The following BCL2L13 variants were observed in gnomAD, a reference collection of about 807,000 sequenced individuals.
BCL2L13 encodes bcl-2-like protein 13.
In BCL2L13, 13 loss-of-function variants were observed where a neutral mutation model predicts 25.8. The ratio of observed to expected loss-of-function variants is 0.50; its 90% confidence interval spans 0.33 to 0.80. BCL2L13 has a LOEUF of 0.80. BCL2L13 is among the 30% of genes least tolerant of loss of function. The probability of loss-of-function intolerance (pLI) is 0.02; values close to 1 mark genes in which losing one functional copy is unlikely to be tolerated. For missense variants in BCL2L13, 504 were observed against 574.9 expected (o/e 0.88, Z 1.26); for synonymous variants, 244 against 230.3 (o/e 1.06, Z -0.54).
intron 6 of BCL2L13, among the ~76,000 whole-genome samples, chr22:17,712,741 G>A (rs1430866343): frequency 6.6e-6 from 1 of 152,204 alleles, no homozygotes; most frequent in Non-Finnish European, 1.5e-5. Flanking sequence ...GCTTTGGTGA[G>A]TGGGTTCTCC....
intron 2 of BCL2L13, among the ~76,000 whole-genome samples, chr22:17,675,494 CTT>C (rs1335596118): frequency 6.6e-6 from 1 of 152,166 alleles, no homozygotes; most frequent in African/African-American, 2.4e-5. Flanking sequence ...AGAGGGCTAA[CTT>C]TTTTCAGCCT....
chr22:17,697,353 G>A (rs2060295561), intron 5 of BCL2L13, among the ~76,000 whole-genome samples: 1 of 152,142 alleles, frequency 6.6e-6, no homozygotes, highest in Non-Finnish European at 1.5e-5. Context: ...CAGGAGAATT[G>A]CTTAAACCCG....
chr22:17,661,156 G>A (rs931167955), intron 2 of BCL2L13, among the ~76,000 whole-genome samples: 2 of 139,808 alleles, frequency 1.4e-5, no homozygotes, highest in Non-Finnish European at 3.2e-5. Flanking sequence ...GCAGTGGCAC[G>A]TTCTCAGCTC....
chr22:17,670,769 A>G (rs1412400548), intron 2 of BCL2L13, among the ~76,000 whole-genome samples: 1 of 152,116 alleles, frequency 6.6e-6, no homozygotes, highest in Non-Finnish European at 1.5e-5. Flanking sequence ...TAGCTTTTCT[A>G]TCAGGAACAG....
At chr22:17,645,316 G>A (rs967765605) in intron 1 of BCL2L13, among the ~76,000 whole-genome samples, 1 of 145,216 alleles carries the variant, frequency 6.9e-6, no homozygotes, top group Non-Finnish European at 1.5e-5. Flanking sequence ...CTGCTTTCTC[G>A]GTTCAAGCGA....
At chr22:17,694,563 T>C (rs1486226310) in intron 4 of BCL2L13, among the ~76,000 whole-genome samples, 1 of 152,156 alleles carries the variant, frequency 6.6e-6, no homozygotes, top group African/African-American at 2.4e-5. Context: ...CTGTCACCAG[T>C]GCAAATATTT....
chr22:17,661,251 C>G (rs549620915), intron 2 of BCL2L13, among the ~76,000 whole-genome samples: 1 of 145,598 alleles, frequency 6.9e-6, no homozygotes, highest in East Asian at 1.9e-4. Context: ...CGCCACTGCC[C>G]CTGGCTAATT....
At chr22:17,649,084 A>G (rs1193564257) in intron 1 of BCL2L13, among the ~76,000 whole-genome samples, 1 of 151,724 alleles carries the variant, frequency 6.6e-6, no homozygotes, top group African/African-American at 2.4e-5. Context: ...TATGGGCATG[A>G]ACTTGTGCCC....
intron 3 of BCL2L13, among the ~76,000 whole-genome samples, chr22:17,685,413 G>A (rs1349917046): frequency 6.6e-6 from 1 of 150,544 alleles, no homozygotes; most frequent in East Asian, 2.0e-4. Context: ...TAGTAGAGAC[G>A]GGGTTTCACC....
chr22:17,673,122 G>A (rs1033647808), intron 2 of BCL2L13, among the ~76,000 whole-genome samples: 3 of 152,080 alleles, frequency 2.0e-5, no homozygotes, highest in Admixed American at 1.3e-4. Context: ...TATGTAATGA[G>A]GATAGACTTG....
At chr22:17,720,154 T>TTTTCTTTCTTTATTTCTTTCTTTCTTTC (rs1555897225) in intron 6 of BCL2L13, among the ~76,000 whole-genome samples, 1 of 141,736 alleles carries the variant, frequency 7.1e-6, no homozygotes, top group Non-Finnish European at 1.5e-5. Flanking sequence ...GTGGGTTTCA[T>TTTTCTTTCTTTATTTCTTTCTTTCTTTC]TTTCTTTCTT....
At chr22:17,641,933 G>A (rs2058302922) in intron 1 of BCL2L13, among the ~76,000 whole-genome samples, 2 of 151,120 alleles carry the variant, frequency 1.3e-5, no homozygotes, top group Non-Finnish European at 2.9e-5. Context: ...CTGAGTAGCT[G>A]GGACTACAGG....
intron 4 of BCL2L13, among the ~76,000 whole-genome samples, chr22:17,690,193 G>C (rs1379306545): frequency 6.6e-6 from 1 of 151,962 alleles, no homozygotes; most frequent in Non-Finnish European, 1.5e-5. Flanking sequence ...GAGCATGGTG[G>C]CAGGTGCCTA....
chr22:17,706,856 C>A (rs1198763092), intron 6 of BCL2L13: 19 of 1,347,310 alleles, frequency 1.4e-5, no homozygotes, highest in Middle Eastern at 2.1e-4. Flanking sequence ...TCTCCGTCGT[C>A]ACATGATAAA....
intron 1 of BCL2L13, among the ~76,000 whole-genome samples, chr22:17,640,444 C>T (rs1162033883): frequency 9.2e-5 from 14 of 152,142 alleles, no homozygotes; most frequent in Non-Finnish European, 1.8e-4. Context: ...AAGGCTATAT[C>T]TAACCAGTCT....
chr22:17,689,980 C>T (rs529958367), intron 4 of BCL2L13, among the ~76,000 whole-genome samples: 1 of 152,102 alleles, frequency 6.6e-6, no homozygotes, highest in African/African-American at 2.4e-5. Flanking sequence ...TGGTTCTGAC[C>T]ATATTAAAGC....
upstream of BCL2L13, chr22:17,637,965 TC>T (rs2058141597): frequency 1.3e-5 from 2 of 152,234 alleles, no homozygotes; most frequent in South Asian, 4.1e-4. Context: ...TGGCAGTCAC[TC>T]CCCATCAGGA....
intron 6 of BCL2L13, chr22:17,706,765 C>T: frequency 7.4e-7 from 1 of 1,352,026 alleles, no homozygotes; most frequent in South Asian, 1.1e-5. Flanking sequence ...ATTTCCTGGG[C>T]TTGTGTTGCT....
chr22:17,675,019 C>G (rs2059537064), intron 2 of BCL2L13, among the ~76,000 whole-genome samples: 1 of 151,936 alleles, frequency 6.6e-6, no homozygotes. Flanking sequence ...TATACTAGTG[C>G]TGAGCTGTGA....
Sources: allele counts gnomAD v4.1 joint callset (sites outside exome capture counted in the v4.1 genomes callset), GRCh38; gene constraint gnomAD v4.1.1; transcripts MANE v1.5; gene names NCBI Gene and HGNC (gene_info 2026-07-23, HGNC 2026-07-21).